The following CERKL variants were observed in gnomAD, a reference collection of about 807,000 sequenced individuals.
CERKL encodes CERK like autophagy regulator.
A neutral mutation model predicts 63.4 loss-of-function variants in CERKL; 61 were observed. That is an observed-to-expected ratio of 0.96 (90% confidence interval 0.78 to 1.19). CERKL has a LOEUF of 1.19. CERKL is among the 50% of genes most tolerant of loss of function. The pLI is 0.00. For synonymous variants in CERKL, 250 were observed against 230.5 expected, an observed-to-expected ratio of 1.08 and a Z score of -0.77; for missense variants, 675 against 655.5, an observed-to-expected ratio of 1.03 and a Z score of -0.33.
At chr2:181,571,078 A>C (rs772287363) in intron 3 of CERKL, among the ~76,000 whole-genome samples, 1 of 152,202 alleles carries the variant, frequency 6.6e-6, no homozygotes, top group Non-Finnish European at 1.5e-5. Flanking sequence ...TAATATACAA[A>C]GTTTCAAATA....
chr2:181,599,597 C>T (rs1437571450), intron 2 of CERKL, among the ~76,000 whole-genome samples: 13 of 150,818 alleles, frequency 8.6e-5, no homozygotes, highest in Non-Finnish European at 1.3e-4. Context: ...CTACACCAAG[C>T]AGAAGACAAG....
chr2:181,565,707 G>A (rs1688636597), intron 4 of CERKL, among the ~76,000 whole-genome samples: 1 of 152,186 alleles, frequency 6.6e-6, no homozygotes, highest in Non-Finnish European at 1.5e-5. Context: ...ATATAGTTAT[G>A]CCATGTGACC....
In CERKL at chr2:181,538,961, C is replaced by T. The variant is rs569941078; in HGVS notation, c.1538+131G>A. On this transcript the variant is annotated intron_variant, in intron 12 of 12. Transcript: ENST00000410087. Reference sequence around the variant, plus strand: ...TGAAATTTGTGCATGTCTCTTTATGCTTCCCTGATTTACTGATTTTTTAAA... The same window carrying T: ...TGAAATTTGTGCATGTCTCTTTATGTTTCCCTGATTTACTGATTTTTTAAA... The T allele has an allele frequency of 1.8e-5, 13 of 717,134 alleles. No homozygotes were observed. The African/African-American group carries it at 2.1e-4, about 12-fold the overall frequency. The allele number at this position is 717,134 out of a possible 1,614,324, so 44.4% of individuals were successfully genotyped here. A position where few individuals can be genotyped will look rare whatever the true frequency, so the allele number is the denominator to read the frequency against.
intron 1 of CERKL, among the ~76,000 whole-genome samples, chr2:181,613,887 C>T (rs1271959011): frequency 6.6e-6 from 1 of 152,164 alleles, no homozygotes; most frequent in Non-Finnish European, 1.5e-5. Flanking sequence ...TAGTTCCTAA[C>T]ATATATGAAC....
chr2:181,547,892 C>T lies in CERKL; in HGVS notation c.1134-45G>A, dbSNP rs116599132. ...ACAAAGACATAAAACAGATAACGCG[C>T]GCACAGACACACAGACACACACAAA... is the stretch of plus-strand genomic sequence containing the variant. On this transcript the variant is annotated intron_variant, in intron 8 of 12. Transcript: ENST00000410087. The T allele has an allele frequency of 2.8e-3, 3,363 of 1,198,312 alleles. 56 individuals carry two copies. In the African/African-American group the frequency reaches 0.057, roughly 20 times the overall value. The allele number at this position is 1,198,312 out of a possible 1,614,324, so 74.2% of individuals were successfully genotyped here.
chr2:181,649,709 G>A (rs1353511267), intron 1 of CERKL: 2 of 152,146 alleles, frequency 1.3e-5, no homozygotes, highest in African/African-American at 4.8e-5. Flanking sequence ...ATAATATCAA[G>A]TATCTTTACT....
chr2:181,633,872 G>A (rs1010066475), intron 1 of CERKL, among the ~76,000 whole-genome samples: 1 of 152,082 alleles, frequency 6.6e-6, no homozygotes, highest in Non-Finnish European at 1.5e-5. Flanking sequence ...AAGAAACTAA[G>A]TAAGATTAGC....
intron 2 of CERKL, among the ~76,000 whole-genome samples, chr2:181,574,963 A>G (rs1441324566): frequency 6.6e-6 from 1 of 152,192 alleles, no homozygotes; most frequent in African/African-American, 2.4e-5. Context: ...ATTCCTGGTG[A>G]AACTGCCTAG....
intron 2 of CERKL, among the ~76,000 whole-genome samples, chr2:181,586,412 A>C (rs1376855125): frequency 2.6e-5 from 4 of 152,136 alleles, no homozygotes; most frequent in Non-Finnish European, 5.9e-5. Flanking sequence ...TATGAAAGCT[A>C]TATTGAGACA....
At chr2:181,585,010 T>C (rs1445415941) in intron 2 of CERKL, among the ~76,000 whole-genome samples, 3 of 151,688 alleles carry the variant, frequency 2.0e-5, no homozygotes, top group African/African-American at 4.8e-5. Context: ...TTTTCCTTCA[T>C]ATATCGATAT....
intron 3 of CERKL, among the ~76,000 whole-genome samples, chr2:181,571,172 TA>T (rs1321775048): frequency 6.6e-6 from 1 of 152,140 alleles, no homozygotes; most frequent in African/African-American, 2.4e-5. Flanking sequence ...ATTCAAGAAA[TA>T]TTTTTCATAA....
intron 1 of CERKL, chr2:181,649,446 G>A (rs561159064): frequency 2.0e-5 from 3 of 152,236 alleles, no homozygotes; most frequent in Non-Finnish European, 4.4e-5. Context: ...TACAATAATA[G>A]TAAGAGACTT....
chr2:181,569,037 C>G (rs1355168366), intron 3 of CERKL, among the ~76,000 whole-genome samples: 2 of 152,110 alleles, frequency 1.3e-5, no homozygotes, highest in Admixed American at 1.3e-4. Flanking sequence ...TTTATCTTGT[C>G]TCCCTCAAAC....
intron 3 of CERKL, among the ~76,000 whole-genome samples, chr2:181,570,417 G>T (rs572551310): frequency 6.6e-6 from 1 of 152,248 alleles, no homozygotes; most frequent in South Asian, 2.1e-4. Flanking sequence ...CAAAATATCT[G>T]TCACACCTTT....
intron 1 of CERKL, among the ~76,000 whole-genome samples, chr2:181,611,898 C>T (rs920491487): frequency 3.2e-4 from 48 of 151,746 alleles, no homozygotes; most frequent in African/African-American, 1.1e-3. Context: ...TTTCTGTGAT[C>T]GATTGAAAAA....
intron 1 of CERKL, chr2:181,617,412 T>G (rs1015885894): frequency 2.0e-5 from 3 of 152,198 alleles, no homozygotes; most frequent in African/African-American, 7.2e-5. Context: ...CAGCATTTGG[T>G]AAACACTTTC....
Position 181,538,028 on chromosome 2 carries a change from G to GGAAC in CERKL, c.*152_*155dup. ...AATCTAATGCCTGATGATCTGAGGT[G>GGAAC]GAACAGTTCATCCTGAAACCATTCC... On this transcript the variant is annotated 3_prime_UTR_variant, in exon 13 of 13. Transcript: ENST00000410087. 5 of 694,064 alleles carry GGAAC rather than the reference G, an allele frequency of 7.2e-6. No homozygotes were observed. Among genetic ancestry groups the GGAAC allele is most frequent in the Non-Finnish European group, 1.3e-5 (5 of 370,654 alleles). The allele number at this position is 694,064 out of a possible 1,614,324, so 43.0% of individuals were successfully genotyped here. A position where few individuals can be genotyped will look rare whatever the true frequency, so the allele number is the denominator to read the frequency against.
intron 1 of CERKL, among the ~76,000 whole-genome samples, chr2:181,604,945 C>T (rs1193907310): frequency 1.3e-5 from 2 of 152,130 alleles, no homozygotes; most frequent in African/African-American, 2.4e-5. Flanking sequence ...AAGACCATTT[C>T]AATTGACTCT....
chr2:181,632,478 C>T lies in CERKL; in HGVS notation c.238+24291G>A, dbSNP rs373679748. Among the ~76,000 whole-genome samples, 72 of 152,184 alleles carry T rather than the reference C, an allele frequency of 4.7e-4. 1 individual carries two copies. The highest frequency in any genetic ancestry group is 2.5e-3 in the East Asian group (13 of 5,190). ...ATTAACTTTGCTATTCTTCAATTTC[C>T]GATGATATAATTGACTTATTAAAAA... On this transcript the variant is annotated intron_variant, in intron 1 of 12. Coordinates refer to ENST00000410087, the MANE Select transcript of CERKL (RefSeq NM_201548.5).
Sources: allele counts gnomAD v4.1 joint callset (sites outside exome capture counted in the v4.1 genomes callset), GRCh38; gene constraint gnomAD v4.1.1; transcripts MANE v1.5; gene names NCBI Gene and HGNC (gene_info 2026-07-23, HGNC 2026-07-21).